KCNIP1: variants seen among roughly 807,000 people sequenced by gnomAD.
KCNIP1 encodes the protein A-type potassium channel modulatory protein KCNIP1.
A neutral mutation model predicts 33.0 loss-of-function variants in KCNIP1; 18 were observed. The observed-to-expected ratio is 0.55, with a 90% CI of 0.38 to 0.81. The LOEUF (loss-of-function observed/expected upper bound fraction) is 0.81. Ranked by LOEUF, KCNIP1 falls within the 30% of genes least tolerant of loss-of-function variation. The pLI is 0.00. For missense variants in KCNIP1, 238 were observed against 271.6 expected (o/e 0.88, Z 0.87); for synonymous variants, 93 against 98.3 (o/e 0.95, Z 0.32).
In KCNIP1 at chr5:170,597,784, A is replaced by AATATAT. The variant is rs10525595; in HGVS notation, c.61+93192_61+93197dup. On this transcript the variant is annotated intron_variant, in intron 1 of 7. Transcript: ENST00000328939. Reference sequence around the variant, plus strand: ...ACTTCTGATGCTGGAGAGAGAGATAAATATATATATATATATATATATATA... The same window carrying AATATAT: ...ACTTCTGATGCTGGAGAGAGAGATAAATATATATATATATATATATATATATATATA... Among the ~76,000 whole-genome samples, 168 of 134,308 alleles carry AATATAT rather than the reference A, an allele frequency of 1.3e-3. 3 individuals carry two copies. Among genetic ancestry groups the AATATAT allele is most frequent in the African/African-American group, 2.6e-3 (86 of 32,586 alleles). 88.1% of individuals were successfully genotyped at this position (134,308 alleles called of 152,430 possible). A position where few individuals can be genotyped will look rare whatever the true frequency, so the allele number is the denominator to read the frequency against.
intron 1 of KCNIP1, among the ~76,000 whole-genome samples, chr5:170,643,524 C>T (rs893870199): frequency 6.6e-6 from 1 of 152,202 alleles, no homozygotes; most frequent in Non-Finnish European, 1.5e-5. Context: ...TTTACCCACT[C>T]ACCCCCCAAG....
intron 1 of KCNIP1, among the ~76,000 whole-genome samples, chr5:170,663,263 A>C (rs1461071739): frequency 1.3e-5 from 2 of 152,156 alleles, no homozygotes; most frequent in Non-Finnish European, 2.9e-5. Flanking sequence ...GGGGTATTTG[A>C]CTTTAAAGTC....
intron 1 of KCNIP1, among the ~76,000 whole-genome samples, chr5:170,598,910 T>TGCGC (rs1554103645): frequency 2.8e-5 from 4 of 140,736 alleles, no homozygotes; most frequent in South Asian, 2.3e-4. Flanking sequence ...TGCGCGTGTG[T>TGCGC]GTGTGTGTGT....
chr5:170,623,475 G>A (rs1321661577), intron 1 of KCNIP1, among the ~76,000 whole-genome samples: 1 of 152,000 alleles, frequency 6.6e-6, no homozygotes. Context: ...GCCTCCCAAA[G>A]TGCTGGGATT....
intron 5 of KCNIP1, among the ~76,000 whole-genome samples, chr5:170,727,917 G>A (rs908551784): frequency 6.6e-6 from 1 of 151,992 alleles, no homozygotes; most frequent in Non-Finnish European, 1.5e-5. Flanking sequence ...CTCCAGCCTG[G>A]GCAACAGAAC....
chr5:170,683,613 C>T (rs1033120281), intron 1 of KCNIP1, among the ~76,000 whole-genome samples: 3 of 152,316 alleles, frequency 2.0e-5, no homozygotes, highest in African/African-American at 2.4e-5. Context: ...CTAGTAGATA[C>T]ACCAGGACCA....
intron 1 of KCNIP1, among the ~76,000 whole-genome samples, chr5:170,646,943 C>T (rs1581442098): frequency 6.6e-6 from 1 of 152,068 alleles, no homozygotes; most frequent in Admixed American, 6.5e-5. Flanking sequence ...TTCCTATATA[C>T]CAGCAATGAA....
chr5:170,717,814 G>T (rs1763687046), intron 1 of KCNIP1, among the ~76,000 whole-genome samples: 1 of 152,200 alleles, frequency 6.6e-6, no homozygotes, highest in Non-Finnish European at 1.5e-5. Context: ...TGCCAGCCCA[G>T]ATTTACAGTT....
intron 1 of KCNIP1, among the ~76,000 whole-genome samples, chr5:170,599,871 C>T (rs56310323): frequency 0.021 from 3,200 of 152,364 alleles, 53 homozygotes; most frequent in Middle Eastern, 0.068. Context: ...ATATATTCTA[C>T]ACAGCACTTC....
At chr5:170,491,392 A>G (rs1271868364) in intron 1 of KCNIP1, among the ~76,000 whole-genome samples, 1 of 152,072 alleles carries the variant, frequency 6.6e-6, no homozygotes, top group African/African-American at 2.4e-5. Context: ...TTAAACACAT[A>G]CACCTGCTTC....
chr5:170,485,168 G>T (rs927268594), intron 1 of KCNIP1, among the ~76,000 whole-genome samples: 4 of 152,074 alleles, frequency 2.6e-5, no homozygotes, highest in African/African-American at 9.7e-5. Flanking sequence ...TCAAGCTCCC[G>T]ACCTCAGGTG....
intron 1 of KCNIP1, among the ~76,000 whole-genome samples, chr5:170,551,690 G>T (rs1243583702): frequency 6.6e-6 from 1 of 151,852 alleles, no homozygotes; most frequent in African/African-American, 2.4e-5. Flanking sequence ...GTGGATGAGA[G>T]TGTGTATGTG....
At chr5:170,732,717 C>T in intron 5 of KCNIP1, 83 bp from the exon 6 acceptor site, 1 of 850,768 alleles carries the variant, frequency 1.2e-6, no homozygotes, top group Non-Finnish European at 2.0e-6. Flanking sequence ...TGCCAAGGGG[C>T]ACAAGGAGCC....
chr5:170,375,370 A>G, intron 1 of KCNIP1: 1 of 152,242 alleles, frequency 6.6e-6, no homozygotes, highest in East Asian at 1.9e-4. Flanking sequence ...CAGGTAAGAA[A>G]CTGGAGGCCA....
At position 170,481,641 on chromosome 5, in the gene KCNIP1, C is replaced by T. The variant is rs553367808; in HGVS notation, c.88+127677C>T. The stretch of plus-strand genomic sequence containing the variant: ...TTAGAAAATAAATATTTATGAAATA[C>T]TTGATATTTCTCATCAATCCTTGGT... On this transcript the variant is annotated intron_variant, in intron 1 of 7. Coordinates refer to the KCNIP1 transcript ENST00000377360. 2.6e-5 allele frequency among the ~76,000 whole-genome samples: 4 copies of T among 152,190 alleles called. No homozygotes were observed. In the South Asian group the frequency reaches 8.3e-4, roughly 32 times the overall value.
At chr5:170,698,649 C>T (rs543886835) in intron 1 of KCNIP1, among the ~76,000 whole-genome samples, 224 of 152,198 alleles carry the variant, frequency 1.5e-3, no homozygotes, top group African/African-American at 4.5e-3. Context: ...CCCCACCCCA[C>T]TCACCAGTGT....
At chr5:170,507,743 C>A (rs1296861074) in intron 1 of KCNIP1, among the ~76,000 whole-genome samples, 1 of 152,196 alleles carries the variant, frequency 6.6e-6, no homozygotes, top group African/African-American at 2.4e-5. Flanking sequence ...AGATATCCAG[C>A]CCAACCTGGG....
At chr5:170,599,053 C>T (rs1159913437) in intron 1 of KCNIP1, among the ~76,000 whole-genome samples, 1 of 151,970 alleles carries the variant, frequency 6.6e-6, no homozygotes, top group African/African-American at 2.4e-5. Flanking sequence ...TGTGCAGACC[C>T]ACAGGCTGCC....
At chr5:170,545,370 T>G (rs1043452043) in intron 1 of KCNIP1, among the ~76,000 whole-genome samples, 3 of 152,212 alleles carry the variant, frequency 2.0e-5, no homozygotes, top group African/African-American at 7.2e-5. Context: ...GTTTAACTTT[T>G]TGGAGGGCTT....
Sources: gnomAD v4.1 joint callset for allele counts (sites outside exome capture counted in the v4.1 genomes callset) on GRCh38, gnomAD v4.1.1 for gene constraint, MANE v1.5 for transcripts, NCBI Gene and HGNC (gene_info 2026-07-23, HGNC 2026-07-21) for gene names.